ATRNL1: variants seen among roughly 807,000 people sequenced by gnomAD.
The protein encoded by ATRNL1 is attractin-like protein 1.
A neutral mutation model predicts 182.7 loss-of-function variants in ATRNL1; 95 were observed. That is an observed-to-expected ratio of 0.52 (90% confidence interval 0.44 to 0.62). ATRNL1 has a LOEUF of 0.62. Among genes scored for constraint, ATRNL1 ranks in the 20% least tolerant of loss-of-function variants. The probability of loss-of-function intolerance (pLI) is 0.00; values close to 1 mark genes in which losing one functional copy is unlikely to be tolerated. For synonymous variants in ATRNL1, 576 were observed against 568.3 expected (o/e 1.01, Z -0.19); for missense variants, 1,471 against 1,679.5 (o/e 0.88, Z 2.17).
chr10:115,140,895 T>C (rs1845730214), intron 5 of ATRNL1, among the ~76,000 whole-genome samples: 1 of 152,176 alleles, frequency 6.6e-6, no homozygotes, highest in Non-Finnish European at 1.5e-5. Flanking sequence ...TCTCAGATGC[T>C]CTTTGTCCTT....
At chr10:115,294,037 A>G (rs1477639995) in intron 15 of ATRNL1, among the ~76,000 whole-genome samples, 1 of 152,224 alleles carries the variant, frequency 6.6e-6, no homozygotes, top group Non-Finnish European at 1.5e-5. Context: ...GTGATTTATT[A>G]AATATTTCTA....
At chr10:115,512,743 A>G (rs1282304863) in intron 24 of ATRNL1, among the ~76,000 whole-genome samples, 1 of 151,950 alleles carries the variant, frequency 6.6e-6, no homozygotes, top group East Asian at 1.9e-4. Flanking sequence ...TTTAGATTGT[A>G]GTTTGAAAAG....
intron 27 of ATRNL1, among the ~76,000 whole-genome samples, chr10:115,769,692 G>A (rs1185386527): frequency 6.6e-6 from 1 of 152,038 alleles, no homozygotes; most frequent in Non-Finnish European, 1.5e-5. Context: ...GCTGATTTCG[G>A]CCAAATTACT....
chr10:115,733,559 A>G (rs1015111067), intron 27 of ATRNL1, among the ~76,000 whole-genome samples: 1 of 152,134 alleles, frequency 6.6e-6, no homozygotes, highest in African/African-American at 2.4e-5. Context: ...AAGGCAGTCA[A>G]AGTGAAGCAG....
intron 3 of ATRNL1, 39 bp downstream of exon 3, chr10:115,121,851 G>T: frequency 2.1e-6 from 2 of 959,436 alleles, no homozygotes; most frequent in Non-Finnish European, 1.6e-6. Flanking sequence ...AAAAGTGACT[G>T]TGTAATTGCT....
chr10:115,196,320 C>G (rs1362069848), intron 8 of ATRNL1, among the ~76,000 whole-genome samples: 1 of 152,106 alleles, frequency 6.6e-6, no homozygotes, highest in African/African-American at 2.4e-5. Context: ...TATGGTTATT[C>G]TAGTATCACA....
intron 24 of ATRNL1, among the ~76,000 whole-genome samples, chr10:115,498,602 G>A (rs1849667299): frequency 6.6e-6 from 1 of 151,810 alleles, no homozygotes; most frequent in South Asian, 2.1e-4. Context: ...TGTTTCATTA[G>A]TCTAACAGTG....
intron 8 of ATRNL1, among the ~76,000 whole-genome samples, chr10:115,210,719 T>A (rs189018107): frequency 7.2e-5 from 11 of 152,060 alleles, no homozygotes; most frequent in African/African-American, 2.4e-4. Flanking sequence ...GATGCACTTG[T>A]ATAGTGTTCT....
At chr10:115,300,942 T>A (rs1554924288) in intron 16 of ATRNL1, among the ~76,000 whole-genome samples, 1 of 152,166 alleles carries the variant, frequency 6.6e-6, no homozygotes, top group African/African-American at 2.4e-5. Context: ...TTCTACTTTC[T>A]GTCTCTATGA....
intron 27 of ATRNL1, among the ~76,000 whole-genome samples, chr10:115,833,382 C>T (rs1555094377): frequency 6.6e-6 from 1 of 152,078 alleles, no homozygotes; most frequent in South Asian, 2.1e-4. Context: ...ATAGCGTGCT[C>T]AATGTAGAAC....
chr10:115,468,560 A>G (rs1475019964), intron 23 of ATRNL1, among the ~76,000 whole-genome samples: 1 of 123,662 alleles, frequency 8.1e-6, no homozygotes, highest in African/African-American at 3.0e-5. Context: ...TATTAACTTC[A>G]GTAAATATTT....
intron 28 of ATRNL1, among the ~76,000 whole-genome samples, chr10:115,910,599 T>C (rs1952645640): frequency 6.6e-6 from 1 of 151,840 alleles, no homozygotes; most frequent in African/African-American, 2.4e-5. Flanking sequence ...TAATATTTTA[T>C]GCTAACCTTT....
chr10:115,704,101 G>A (rs2134002194), intron 26 of ATRNL1, among the ~76,000 whole-genome samples: 1 of 152,038 alleles, frequency 6.6e-6, no homozygotes, highest in East Asian at 1.9e-4. Flanking sequence ...AAGTATAGGA[G>A]AATATTTGAG....
intron 27 of ATRNL1, among the ~76,000 whole-genome samples, chr10:115,846,127 A>C (rs1475313679): frequency 6.6e-6 from 1 of 152,088 alleles, no homozygotes; most frequent in Admixed American, 6.6e-5. Flanking sequence ...AAAACCATAG[A>C]TCATGTAACT....
chr10:115,629,264 A>C (rs1052601633), intron 26 of ATRNL1, among the ~76,000 whole-genome samples: 1 of 152,202 alleles, frequency 6.6e-6, no homozygotes, highest in African/African-American at 2.4e-5. Flanking sequence ...CTTAATGTTT[A>C]GTGCGGGTCC....
intron 8 of ATRNL1, among the ~76,000 whole-genome samples, chr10:115,206,934 C>A (rs576628974): frequency 6.6e-6 from 1 of 152,072 alleles, no homozygotes; most frequent in Non-Finnish European, 1.5e-5. Context: ...TGAGAACATG[C>A]GGTGTTTGGT....
chr10:115,735,378 C>A (rs1555065142), intron 27 of ATRNL1, among the ~76,000 whole-genome samples: 1 of 152,120 alleles, frequency 6.6e-6, no homozygotes, highest in African/African-American at 2.4e-5. Context: ...GAAAATTGTT[C>A]TGACACTGGC....
At chr10:115,621,398 G>A (rs183231032) in intron 26 of ATRNL1, among the ~76,000 whole-genome samples, 208 of 151,596 alleles carry the variant, frequency 1.4e-3, no homozygotes, top group African/African-American at 4.6e-3. Flanking sequence ...TTGACCTCCT[G>A]GGCTCAGGGA....
chr10:115,103,365 T>C (rs782696664), intron 1 of ATRNL1, among the ~76,000 whole-genome samples: 1 of 152,154 alleles, frequency 6.6e-6, no homozygotes, highest in African/African-American at 2.4e-5. Context: ...TACCAAAATA[T>C]TTTATGTTCT....
Sources: allele counts gnomAD v4.1 joint callset (sites outside exome capture counted in the v4.1 genomes callset), GRCh38; gene constraint gnomAD v4.1.1; transcripts MANE v1.5; gene names NCBI Gene and HGNC (gene_info 2026-07-23, HGNC 2026-07-21).